Variants in USP54 observed in about 807,000 individuals in gnomAD.
The protein encoded by USP54 is ubiquitin carboxyl-terminal hydrolase 54.
USP54 carries 87 observed loss-of-function variants against 170.5 expected under a neutral mutation model. The ratio of observed to expected loss-of-function variants is 0.51; its 90% CI spans 0.43 to 0.61. The LOEUF (loss-of-function observed/expected upper bound fraction) is 0.61, where lower values mean the gene tolerates loss of function less well. Among genes scored for constraint, USP54 ranks in the 20% least tolerant of loss-of-function variants. The probability of loss-of-function intolerance (pLI) is 0.00; values close to 1 mark genes in which losing one functional copy is unlikely to be tolerated. For synonymous variants in USP54, 655 were observed against 742.8 expected (o/e 0.88, Z 1.92); for missense variants, 1,786 against 2,047.8 (o/e 0.87, Z 2.47).
chr10:73,595,955 A>G (rs182251675), upstream of USP54, among the ~76,000 whole-genome samples: 1 of 151,722 alleles, frequency 6.6e-6, no homozygotes, highest in African/African-American at 2.4e-5. Flanking sequence ...GACTAAAAAT[A>G]CAACAATTAG....
chr10:73,561,053 C>T (rs1253345347), intron 4 of USP54, among the ~76,000 whole-genome samples: 11 of 140,578 alleles, frequency 7.8e-5, no homozygotes, highest in African/African-American at 2.4e-4. Flanking sequence ...TGCAGTGAGC[C>T]GAGATCATGC....
chr10:73,509,438 CCA>C (rs2059839055), intron 20 of USP54, among the ~76,000 whole-genome samples: 1 of 140,754 alleles, frequency 7.1e-6, no homozygotes, highest in Admixed American at 7.1e-5. Context: ...CCTGTCTCTA[CCA>C]AAAAAAAAAA....
At chr10:73,619,308 G>A (rs576336587) in intron 1 of USP54, among the ~76,000 whole-genome samples, 10 of 150,362 alleles carry the variant, frequency 6.7e-5, no homozygotes, top group African/African-American at 2.5e-4. Flanking sequence ...GCTCACTACA[G>A]CCTCAACTTC....
chr10:73,599,734 T>C (rs934214582), intron 1 of USP54, among the ~76,000 whole-genome samples: 1 of 141,682 alleles, frequency 7.1e-6, no homozygotes, highest in African/African-American at 2.5e-5. Context: ...TAATAATCTA[T>C]ATATTTATTT....
At chr10:73,511,378 T>C (rs2133237340) in intron 20 of USP54, among the ~76,000 whole-genome samples, 1 of 151,970 alleles carries the variant, frequency 6.6e-6, no homozygotes, top group South Asian at 2.1e-4. Context: ...ACTAATTTGG[T>C]GGCCGGGCGT....
chr10:73,561,938 G>A (rs745493182), intron 4 of USP54, among the ~76,000 whole-genome samples: 12 of 151,856 alleles, frequency 7.9e-5, no homozygotes, highest in Non-Finnish European at 1.3e-4. Context: ...AGCATAAAAA[G>A]AAATGACAAT....
chr10:73,594,520 T>A (rs1269532885), upstream of USP54, among the ~76,000 whole-genome samples: 1 of 152,044 alleles, frequency 6.6e-6, no homozygotes, highest in African/African-American at 2.4e-5. Context: ...TCTTCTACCC[T>A]CAGCCTCCCG....
At chr10:73,528,572 C>CTTT (rs1263435994) in intron 15 of USP54, among the ~76,000 whole-genome samples, 1 of 142,196 alleles carries the variant, frequency 7.0e-6, no homozygotes, top group Non-Finnish European at 1.5e-5. Flanking sequence ...GTTTTTGTTT[C>CTTT]TTTTTTTTTT....
chr10:73,498,806 G>C lies in USP54; in HGVS notation c.4878C>G (p.Ser1626=). The part of the protein sequence containing the change: ...SAWNSDPVPG[S]RTPGPRRVDM... ...CTACTCTTCGAGGACCAGGGGTTCG[G>C]GACCCTGGAACAGGATCTGAATTCC... The change falls in exon 24 of 24, where the codon TCC becomes TCG. Residue 1626 remains serine, a synonymous_variant. Coordinates refer to ENST00000687698, the MANE Select transcript of USP54 (RefSeq NM_001391956.1). 6.2e-7 allele frequency: 1 copy of C among 1,613,188 alleles called. No homozygotes were observed. The highest frequency in any genetic ancestry group is 2.2e-5 in the East Asian group (1 of 44,876).
rs1347931388 is a variant in USP54 at position 73,516,999 on chromosome 10, A to G, written c.3427T>C (p.Ser1143Pro). 2 of 1,614,232 alleles carry G rather than the reference A, an allele frequency of 1.2e-6. No homozygotes were observed. Residue 1143 changes from serine to proline, a missense_variant, in exon 20 of 24, where the codon TCC (serine) becomes CCC (proline). Around this residue, in one of 3 missense-constraint regions of USP54, gnomAD observed 1,418 missense variants for 1,569.0 expected, o/e 0.90. Coordinates refer to ENST00000687698, the MANE Select transcript of USP54 (RefSeq NM_001391956.1). Reference sequence around the variant, plus strand: ...TTGAAACCTGTACTATCCCTCATGGAGACACCCTGCATCCTCTGGAACTGC... The same window carrying G: ...TTGAAACCTGTACTATCCCTCATGGGGACACCCTGCATCCTCTGGAACTGC... ...AEQFQRMQGVSMRDSTGFKDR... is the reference protein window; with the variant it reads ...AEQFQRMQGVPMRDSTGFKDR...
intron 1 of USP54, among the ~76,000 whole-genome samples, chr10:73,606,175 CAAAAAAAAAAA>C (rs1178699732): frequency 3.4e-3 from 87 of 25,588 alleles, no homozygotes; most frequent in Non-Finnish European, 6.8e-3. Context: ...GAGGCTGTCT[CAAAAAAAAAAA>C]AAAAAAAAAA....
chr10:73,579,443 A>G (rs1463189438), intron 1 of USP54, among the ~76,000 whole-genome samples: 3 of 152,176 alleles, frequency 2.0e-5, no homozygotes, highest in Non-Finnish European at 4.4e-5. Flanking sequence ...TAGAATCCTC[A>G]AAACTTAATA....
intron 19 of USP54, chr10:73,518,748 G>T (rs1021344863): frequency 1.4e-5 from 2 of 138,224 alleles, no homozygotes; most frequent in African/African-American, 5.5e-5. Context: ...TTTGAGACAA[G>T]GTCTTGCTCT....
chr10:73,535,938 T>C (rs139786201), intron 11 of USP54, among the ~76,000 whole-genome samples: 205 of 152,328 alleles, frequency 1.3e-3, no homozygotes, highest in African/African-American at 4.5e-3. Flanking sequence ...AAGTCACTGG[T>C]AAATTGCTAA....
chr10:73,559,241 T>C (rs1439609322), intron 4 of USP54, among the ~76,000 whole-genome samples: 1 of 151,160 alleles, frequency 6.6e-6, no homozygotes, highest in Non-Finnish European at 1.5e-5. Context: ...GCCAACACGG[T>C]GAAACCCTGT....
At chr10:73,600,844 G>A (rs929385460) in intron 1 of USP54, among the ~76,000 whole-genome samples, 9 of 152,134 alleles carry the variant, frequency 5.9e-5, no homozygotes, top group Admixed American at 3.3e-4. Flanking sequence ...AACCCGGGGG[G>A]CGGAGGTTGC....
intron 1 of USP54, among the ~76,000 whole-genome samples, chr10:73,605,173 G>T (rs1330472558): frequency 6.6e-6 from 1 of 152,122 alleles, no homozygotes; most frequent in Admixed American, 6.6e-5. Context: ...CGACCCAGGA[G>T]GTCCAGCTGG....
chr10:73,619,554 A>C (rs550134394), intron 1 of USP54, among the ~76,000 whole-genome samples: 1 of 150,286 alleles, frequency 6.7e-6, no homozygotes, highest in African/African-American at 2.5e-5. Context: ...AAAAGAAAGA[A>C]AAAAGAAAGT....
At chr10:73,561,327 CTAAAA>C (rs2072992769) in intron 4 of USP54, among the ~76,000 whole-genome samples, 1 of 152,040 alleles carries the variant, frequency 6.6e-6, no homozygotes, top group African/African-American at 2.4e-5. Context: ...GATAGCATTT[CTAAAA>C]CTTCATGAAG....
Sources: allele counts gnomAD v4.1 joint callset (sites outside exome capture counted in the v4.1 genomes callset), GRCh38; gene constraint gnomAD v4.1.1; regional missense constraint gnomAD v4.1.1; transcripts MANE v1.5; gene names NCBI Gene and HGNC (gene_info 2026-07-23, HGNC 2026-07-21).